PLSCR2: variants seen among roughly 807,000 people sequenced by gnomAD.
The protein encoded by PLSCR2 is PL scramblase 2.
A neutral mutation model predicts 25.3 loss-of-function variants in PLSCR2; 18 were observed. The observed-to-expected ratio is 0.71, with a 90% confidence interval of 0.49 to 1.06. The LOEUF is 1.06. Ranked by LOEUF, PLSCR2 falls within the 50% of genes least tolerant of loss-of-function variation. The pLI is 0.00. For synonymous variants in PLSCR2, 88 were observed against 87.3 expected, an observed-to-expected ratio of 1.01 and a Z score of -0.04; for missense variants, 243 against 269.5, an observed-to-expected ratio of 0.90 and a Z score of 0.69.
At chr3:146,443,863 G>A (rs1264435447) in intron 6 of PLSCR2, among the ~76,000 whole-genome samples, 2 of 151,388 alleles carry the variant, frequency 1.3e-5, no homozygotes, top group African/African-American at 4.8e-5. Flanking sequence ...TTATTTATTT[G>A]AACTTTTTCT....
intron 2 of PLSCR2, chr3:146,398,616 TTAAC>T (rs1463227631): frequency 2.6e-5 from 4 of 151,710 alleles, no homozygotes; most frequent in African/African-American, 4.8e-5. Context: ...AATCTAATAA[TTAAC>T]TAATTTTAAT....
intron 5 of PLSCR2, among the ~76,000 whole-genome samples, chr3:146,449,764 T>C (rs1300809733): frequency 1.3e-5 from 2 of 152,212 alleles, no homozygotes; most frequent in South Asian, 2.1e-4. Flanking sequence ...ATTAGACTTC[T>C]GCTTTTTAGA....
chr3:146,449,758 G>T (rs2040788430), intron 5 of PLSCR2, among the ~76,000 whole-genome samples: 1 of 152,104 alleles, frequency 6.6e-6, no homozygotes, highest in Admixed American at 6.5e-5. Context: ...ACTCCTATTA[G>T]ACTTCTGCTT....
intron 4 of PLSCR2, 80 bp from the exon 5 acceptor site, chr3:146,454,243 T>A (rs1417540997): frequency 5.0e-6 from 5 of 1,005,726 alleles, no homozygotes; most frequent in Non-Finnish European, 7.1e-6. Context: ...TACTGAGCAT[T>A]TCCTAAGTGC....
chr3:146,393,027 C>CTTTTTTT (rs1296969192), intron 3 of PLSCR2, among the ~76,000 whole-genome samples: 2 of 104,422 alleles, frequency 1.9e-5, no homozygotes, highest in African/African-American at 3.6e-5. Flanking sequence ...ATTTACATTC[C>CTTTTTTT]TTTTTTTTTT....
intron 2 of PLSCR2, among the ~76,000 whole-genome samples, chr3:146,414,226 G>A (rs950147902): frequency 2.0e-5 from 3 of 152,108 alleles, no homozygotes; most frequent in African/African-American, 4.8e-5. Flanking sequence ...CCTCTTAAAG[G>A]TCCAACCTGT....
At chr3:146,412,708 G>A (rs1259357331) in intron 2 of PLSCR2, among the ~76,000 whole-genome samples, 1 of 152,188 alleles carries the variant, frequency 6.6e-6, no homozygotes, top group Non-Finnish European at 1.5e-5. Context: ...AACAAGGGAG[G>A]GGAAGAGGTT....
upstream of PLSCR2, chr3:146,463,841 T>C: frequency 1.0e-6 from 1 of 976,418 alleles, no homozygotes; most frequent in Non-Finnish European, 1.2e-6. Context: ...TTACCTGCCA[T>C]TTCAAAATTA....
At chr3:146,403,190 C>G (rs1006895757) in intron 2 of PLSCR2, among the ~76,000 whole-genome samples, 6 of 151,864 alleles carry the variant, frequency 4.0e-5, no homozygotes, top group Middle Eastern at 3.2e-3. Context: ...ACATGCTCTA[C>G]TTTGTAATTG....
intron 2 of PLSCR2, among the ~76,000 whole-genome samples, chr3:146,404,575 T>C (rs936002860): frequency 6.6e-6 from 1 of 152,160 alleles, no homozygotes; most frequent in African/African-American, 2.4e-5. Context: ...AAAATTTACA[T>C]TCTTCTCACA....
At chr3:146,441,845 A>C (rs1185200304) in intron 6 of PLSCR2, 24 bp from the exon 7 acceptor site, 2 of 1,516,810 alleles carry the variant, frequency 1.3e-6, no homozygotes, top group African/African-American at 2.8e-5. Context: ...AAAATACAGA[A>C]ATGAATTCTC....
chr3:146,448,783 G>A (rs568103033), intron 6 of PLSCR2, among the ~76,000 whole-genome samples: 4 of 152,056 alleles, frequency 2.6e-5, no homozygotes, highest in Admixed American at 6.5e-5. Context: ...TAGCTCTAGA[G>A]GCTTGATTGA....
intron 1 of PLSCR2, among the ~76,000 whole-genome samples, chr3:146,484,681 G>T (rs1479671699): frequency 6.6e-6 from 1 of 151,942 alleles, no homozygotes; most frequent in African/African-American, 2.4e-5. Context: ...TTTTATTTCT[G>T]GCCAAACTAA....
chr3:146,459,065 T>C (rs1327083391), intron 2 of PLSCR2, among the ~76,000 whole-genome samples: 1 of 152,182 alleles, frequency 6.6e-6, no homozygotes, highest in Non-Finnish European at 1.5e-5. Flanking sequence ...AAACTTTATA[T>C]TCCTATTTTA....
downstream of PLSCR2, among the ~76,000 whole-genome samples, chr3:146,433,089 C>A (rs1326458220): frequency 6.6e-6 from 1 of 152,050 alleles, no homozygotes; most frequent in Non-Finnish European, 1.5e-5. Flanking sequence ...CTTCCAAAAC[C>A]TATTTTTTAA....
chr3:146,395,362 A>T (rs543454689), intron 3 of PLSCR2, among the ~76,000 whole-genome samples: 1 of 152,342 alleles, frequency 6.6e-6, no homozygotes, highest in South Asian at 2.1e-4. Flanking sequence ...GTATTGCGCA[A>T]GAGATAGAGC....
intron 2 of PLSCR2, among the ~76,000 whole-genome samples, chr3:146,402,232 G>T (rs1255879100): frequency 6.6e-6 from 1 of 152,066 alleles, no homozygotes; most frequent in Non-Finnish European, 1.5e-5. Context: ...TCTTTAAAAT[G>T]CTGGGGTTTT....
At chr3:146,397,667 T>C (rs2038319224) in intron 2 of PLSCR2, among the ~76,000 whole-genome samples, 2 of 152,098 alleles carry the variant, frequency 1.3e-5, no homozygotes, top group Admixed American at 1.3e-4. Flanking sequence ...TTTGAAGATA[T>C]TACAACGAGT....
chr3:146,488,796 A>G (rs1018359271), intron 1 of PLSCR2, among the ~76,000 whole-genome samples: 1 of 152,162 alleles, frequency 6.6e-6, no homozygotes, highest in African/African-American at 2.4e-5. Flanking sequence ...ATACCATTCG[A>G]CCCACCTATC....
Sources: gnomAD v4.1 joint callset for allele counts (sites outside exome capture counted in the v4.1 genomes callset) on GRCh38, gnomAD v4.1.1 for gene constraint, MANE v1.5 for transcripts, NCBI Gene and HGNC (gene_info 2026-07-23, HGNC 2026-07-21) for gene names.